CA10: variants seen among roughly 807,000 people sequenced by gnomAD.
The protein encoded by CA10 is carbonic anhydrase 10 (inactive), also known as carbonic anhydrase-related protein 10.
Under a neutral mutation model 44.2 loss-of-function variants are expected in CA10, and 14 were observed. The ratio of observed to expected loss-of-function variants is 0.32; its 90% confidence interval spans 0.21 to 0.50. The LOEUF (loss-of-function observed/expected upper bound fraction) is 0.50, where lower values mean the gene tolerates loss of function less well. CA10 is among the 20% of genes least tolerant of loss of function. CA10 has a pLI of 0.99. For synonymous variants in CA10, 159 were observed against 141.6 expected (o/e 1.12, Z -0.87); for missense variants, 350 against 409.7 (o/e 0.85, Z 1.26).
intron 1 of CA10, among the ~76,000 whole-genome samples, chr17:52,095,877 T>C (rs536475901): frequency 8.9e-4 from 136 of 152,266 alleles, no homozygotes; most frequent in Admixed American, 8.9e-3. Flanking sequence ...GGATATAACA[T>C]GACGTGCTAA....
intron 1 of CA10, among the ~76,000 whole-genome samples, chr17:52,108,542 CA>C (rs893912760): frequency 4.6e-5 from 7 of 150,686 alleles, no homozygotes; most frequent in South Asian, 2.1e-4. Context: ...ACTAAAAATA[CA>C]AAAAAAATTA....
intron 3 of CA10, among the ~76,000 whole-genome samples, chr17:51,836,594 T>C (rs551461940): frequency 6.6e-6 from 1 of 152,238 alleles, no homozygotes; most frequent in East Asian, 1.9e-4. Flanking sequence ...CACCAGGTAG[T>C]AAAGGCTCTG....
At chr17:51,654,635 C>A (rs1168255643) in intron 4 of CA10, among the ~76,000 whole-genome samples, 1 of 151,860 alleles carries the variant, frequency 6.6e-6, no homozygotes, top group Non-Finnish European at 1.5e-5. Flanking sequence ...CAGCTCACTG[C>A]AACCTCCGCC....
chr17:51,754,491 A>G (rs957975386), intron 3 of CA10, among the ~76,000 whole-genome samples: 4 of 146,960 alleles, frequency 2.7e-5, no homozygotes, highest in African/African-American at 1.0e-4. Context: ...TCATCTAATT[A>G]TGGACATTGG....
chr17:52,007,462 AT>A (rs1333502135), intron 2 of CA10, among the ~76,000 whole-genome samples: 3 of 151,328 alleles, frequency 2.0e-5, no homozygotes, highest in Non-Finnish European at 4.4e-5. Context: ...ATTTAGAAAT[AT>A]TTTTTCCTAC....
intron 3 of CA10, among the ~76,000 whole-genome samples, chr17:51,788,015 T>C (rs547679120): frequency 3.3e-4 from 51 of 152,312 alleles, no homozygotes; most frequent in African/African-American, 1.1e-3. Flanking sequence ...TGGTTTGCTC[T>C]TGCTTTTCTA....
intron 4 of CA10, among the ~76,000 whole-genome samples, chr17:51,663,237 A>AG (rs1914074549): frequency 0.054 from 4 of 74 alleles, no homozygotes; most frequent in African/African-American, 0.17. Flanking sequence ...TTTCGAGACC[A>AG]CTTTTTCTCG....
intron 2 of CA10, among the ~76,000 whole-genome samples, chr17:51,955,783 C>T (rs1983642049): frequency 1.3e-5 from 2 of 151,322 alleles, no homozygotes; most frequent in South Asian, 4.2e-4. Context: ...ACAATGAGAA[C>T]ACATGGACAG....
At chr17:51,833,052 G>C (rs1200192768) in intron 3 of CA10, among the ~76,000 whole-genome samples, 1 of 152,196 alleles carries the variant, frequency 6.6e-6, no homozygotes, top group East Asian at 1.9e-4. Context: ...AATGGATGGA[G>C]AGGCCCTTCC....
intron 2 of CA10, among the ~76,000 whole-genome samples, chr17:51,953,078 T>C (rs1803457619): frequency 6.6e-6 from 1 of 152,194 alleles, no homozygotes; most frequent in African/African-American, 2.4e-5. Flanking sequence ...CAAAGTCTTA[T>C]ACAAACTTTC....
At position 51,925,427 on chromosome 17, in the gene CA10, CA is replaced by C. The variant is rs551887990; in HGVS notation, c.279+5562del. ...AGGATGGCTATTTCAAAATAAATAA[CA>C]AAAAAAAAAAAACAACAAGTTTCTG... On this transcript the variant is annotated intron_variant, in intron 3 of 8. Coordinates refer to ENST00000451037, the MANE Select transcript of CA10 (RefSeq NM_020178.5). 8.2e-3 allele frequency among the ~76,000 whole-genome samples: 966 copies of C among 117,476 alleles called. 5 individuals are homozygous for C. The highest frequency in any genetic ancestry group is 0.018 in the Middle Eastern group (4 of 218). The allele number at this position is 117,476 out of a possible 152,430, so 77.1% of individuals were successfully genotyped here.
intron 4 of CA10, among the ~76,000 whole-genome samples, chr17:51,745,518 A>G (rs1198220094): frequency 2.0e-5 from 3 of 152,134 alleles, no homozygotes; most frequent in Admixed American, 6.5e-5. Context: ...TTAAAATGCA[A>G]ATTCTTTGGT....
At chr17:52,011,442 T>C (rs1212408906) in intron 2 of CA10, among the ~76,000 whole-genome samples, 2 of 152,010 alleles carry the variant, frequency 1.3e-5, no homozygotes, top group Admixed American at 1.3e-4. Context: ...GCATTAATCT[T>C]TTCTAAATAA....
chr17:51,632,579 C>G (rs148135811), intron 8 of CA10, among the ~76,000 whole-genome samples: 141 of 152,276 alleles, frequency 9.3e-4, no homozygotes, highest in Non-Finnish European at 1.4e-3. Flanking sequence ...TATCCAGGCT[C>G]TTGTTTGCTT....
chr17:51,823,875 A>T (rs9896482), intron 3 of CA10, among the ~76,000 whole-genome samples: 8,840 of 152,274 alleles, frequency 0.058, 729 homozygotes, highest in African/African-American at 0.18. Flanking sequence ...CACATTAGAC[A>T]TAACTGTCTC....
At chr17:51,822,605 G>T (rs1269325163) in intron 3 of CA10, among the ~76,000 whole-genome samples, 1 of 152,046 alleles carries the variant, frequency 6.6e-6, no homozygotes, top group Non-Finnish European at 1.5e-5. Context: ...ATGGAATCTG[G>T]TTTGGTTCAG....
At chr17:51,919,985 A>G (rs1598118033) in intron 3 of CA10, among the ~76,000 whole-genome samples, 3 of 152,292 alleles carry the variant, frequency 2.0e-5, no homozygotes, top group Admixed American at 2.0e-4. Flanking sequence ...GGGATTATGT[A>G]ACCAGAAAAC....
chr17:51,954,059 CATT>C (rs1983579595), intron 2 of CA10, among the ~76,000 whole-genome samples: 1 of 152,064 alleles, frequency 6.6e-6, no homozygotes, highest in African/African-American at 2.4e-5. Context: ...GAGAGACAAA[CATT>C]ATTCTCATTT....
chr17:51,880,955 G>A (rs529639869), intron 3 of CA10, among the ~76,000 whole-genome samples: 21 of 218 alleles, frequency 0.096, 1 homozygote, highest in East Asian at 0.42. Context: ...AAGTTTTATC[G>A]GCCGGGCGCG....
Sources: allele counts gnomAD v4.1 joint callset (sites outside exome capture counted in the v4.1 genomes callset), GRCh38; gene constraint gnomAD v4.1.1; transcripts MANE v1.5; gene names NCBI Gene and HGNC (gene_info 2026-07-23, HGNC 2026-07-21).